The following PKD1L1 variants were observed in gnomAD, a reference collection of about 807,000 sequenced individuals.
The protein encoded by PKD1L1 is polycystin-1-like protein 1.
PKD1L1 carries 236 observed loss-of-function variants against 323.4 expected under a neutral mutation model. That is an observed-to-expected ratio of 0.73 (90% CI 0.66 to 0.81). The LOEUF (loss-of-function observed/expected upper bound fraction) is 0.81, where lower values mean the gene tolerates loss of function less well. PKD1L1 is among the 40% of genes least tolerant of loss of function. PKD1L1 has a pLI of 0.00. For missense variants in PKD1L1, 3,320 were observed against 3,508.0 expected, an observed-to-expected ratio of 0.95 and a Z score of 1.35; for synonymous variants, 1,344 against 1,335.0, an observed-to-expected ratio of 1.01 and a Z score of -0.15.
At chr7:47,788,577 A>ATATATTTTTTT (rs939251075) in intron 56 of PKD1L1, among the ~76,000 whole-genome samples, 1 of 138,062 alleles carries the variant, frequency 7.2e-6, no homozygotes, top group African/African-American at 2.7e-5. Context: ...ATATATATAT[A>ATATATTTTTTT]TTTTTTTTTT....
At position 47,837,008 on chromosome 7, in the gene PKD1L1, C is replaced by T; in HGVS notation, c.5856G>A (p.Leu1952=). ...AGGACACGGTGAGGCGCGGCGTGTG[C>T]AGGTAGCGGCTGGAGGAGGGCCTGC... ...VYSRPSSSRY[L]HTPRLTVSFS... is the part of the protein sequence containing the mutation. Residue 1952 remains leucine (L), a synonymous_variant, in exon 37 of 57, where the codon CTG becomes CTA. Transcript: ENST00000289672. 2 of 1,614,176 alleles carry T rather than the reference C, an allele frequency of 1.2e-6. No homozygotes were observed. The highest frequency in any genetic ancestry group is 1.7e-5 in the Admixed American group (1 of 60,026).
At chr7:47,913,423 C>A (rs964523778) in intron 8 of PKD1L1, among the ~76,000 whole-genome samples, 11 of 152,058 alleles carry the variant, frequency 7.2e-5, no homozygotes, top group Admixed American at 6.6e-4. Context: ...AATTGCATTC[C>A]CCAGTATTGA....
At chr7:47,814,125 G>A in intron 47 of PKD1L1, 111 bp from the exon 48 acceptor site, 1 of 770,496 alleles carries the variant, frequency 1.3e-6, no homozygotes. Context: ...TGCTACCATA[G>A]AGGTCAGAGT....
intron 45 of PKD1L1, among the ~76,000 whole-genome samples, chr7:47,822,726 A>G (rs1785172515): frequency 6.6e-6 from 1 of 152,038 alleles, no homozygotes; most frequent in Non-Finnish European, 1.5e-5. Flanking sequence ...CCATTTATTC[A>G]GATCTTCCTG....
intron 28 of PKD1L1, among the ~76,000 whole-genome samples, chr7:47,856,953 C>G (rs1345346738): frequency 6.6e-6 from 1 of 152,208 alleles, no homozygotes; most frequent in Admixed American, 6.5e-5. Flanking sequence ...TCCAAACTCA[C>G]TCATGGTGAC....
rs191746423 is a variant in PKD1L1, at chr7:47,822,550, G to A, written c.6855-1364C>T. ...GCGGAGGTTGCAGTGAGCCGAGATC[G>A]CGCCATTGCGCTCCAGCCTGGGTGA... On this transcript the variant is annotated intron_variant, in intron 45 of 56. Coordinates refer to ENST00000289672, the MANE Select transcript of PKD1L1 (RefSeq NM_138295.5). 3.3e-4 allele frequency among the ~76,000 whole-genome samples: 45 copies of A among 135,972 alleles called. 1 individual carries two copies. The highest frequency in any genetic ancestry group is 8.2e-4 in the African/African-American group (30 of 36,498). 89.2% of individuals were successfully genotyped at this position (135,972 alleles called of 152,430 possible). A position where few individuals can be genotyped will look rare whatever the true frequency, so the allele number is the denominator to read the frequency against.
chr7:47,845,200 G>C (rs1785640782), intron 32 of PKD1L1, 122 bp from the exon 33 acceptor site: 3 of 735,664 alleles, frequency 4.1e-6, no homozygotes, highest in Non-Finnish European at 6.4e-6. Context: ...ATAACTTTAT[G>C]ACTAAGACCC....
chr7:47,786,806 A>G (rs1190060898), intron 56 of PKD1L1, among the ~76,000 whole-genome samples: 1 of 152,170 alleles, frequency 6.6e-6, no homozygotes, highest in South Asian at 2.1e-4. Context: ...CCTTCTGCCC[A>G]ATCAGCAGCA....
intron 4 of PKD1L1, among the ~76,000 whole-genome samples, chr7:47,934,527 C>G (rs1012552807): frequency 6.6e-6 from 1 of 152,186 alleles, no homozygotes; most frequent in African/African-American, 2.4e-5. Context: ...TAGTCACTTG[C>G]TTCCTATTTT....
At chr7:47,833,017 G>A (rs1045470058) in intron 41 of PKD1L1, 73 bp downstream of exon 41, 1 of 1,508,024 alleles carries the variant, frequency 6.6e-7, no homozygotes, top group Non-Finnish European at 8.9e-7. Flanking sequence ...GACTCTGCTT[G>A]CCCTGCCTCT....
intron 7 of PKD1L1, among the ~76,000 whole-genome samples, chr7:47,927,194 A>G (rs1164183554): frequency 6.6e-6 from 1 of 152,168 alleles, no homozygotes; most frequent in Non-Finnish European, 1.5e-5. Context: ...AATAAAAGTT[A>G]AAAATTCCTA....
At chr7:47,908,438 T>C (rs1339650179) in intron 8 of PKD1L1, among the ~76,000 whole-genome samples, 188 bp from the exon 9 acceptor site, 1 of 152,182 alleles carries the variant, frequency 6.6e-6, no homozygotes, top group Non-Finnish European at 1.5e-5. Context: ...ACAGAGCCCC[T>C]CACGCAATGG....
intron 31 of PKD1L1, 106 bp from the exon 32 acceptor site, chr7:47,847,177 C>T: frequency 1.3e-6 from 1 of 783,466 alleles, no homozygotes; most frequent in African/African-American, 1.8e-5. Flanking sequence ...ACAAGGACTA[C>T]AGATGAGCAA....
Position 47,831,313 on chromosome 7 carries a change from G to A in PKD1L1, c.6377C>T (p.Ser2126Leu). The change falls in exon 42 of 57, where the codon TCA (serine) becomes TTA (leucine). Residue 2126 changes from serine (S) to leucine (L), a missense_variant. By Grantham distance (145) the Ser-to-Leu change is moderately radical. Transcript: ENST00000289672. ...GCTCCACCAAGGCTGAAGGGCCCTT[G>A]ACCACTGGGGCATTAGTCCCTCCAA... ...SGLEGLMPQW[S>L]RALQPWWSSA... 6.2e-7 allele frequency: 1 copy of A among 1,614,140 alleles called. No homozygotes were observed. The highest frequency in any genetic ancestry group is 8.5e-7 in the Non-Finnish European group (1 of 1,180,010).
At chr7:47,877,756 C>T (rs555107144) in intron 21 of PKD1L1, 125 bp from the exon 22 acceptor site, 25 of 1,121,276 alleles carry the variant, frequency 2.2e-5, no homozygotes, top group African/African-American at 1.7e-4. Flanking sequence ...CCAGCAGCAT[C>T]GGACTAACCT....
intron 45 of PKD1L1, among the ~76,000 whole-genome samples, chr7:47,825,642 CTCTTCT>C (rs1158407513): frequency 2.0e-5 from 3 of 149,644 alleles, no homozygotes; most frequent in Non-Finnish European, 4.5e-5. Context: ...TTATTTCTTT[CTCTTCT>C]TCAAGTTTTA....
At position 47,915,607 on chromosome 7, in the gene PKD1L1, A is replaced by G. The variant is rs755550040; in HGVS notation, c.1061-8T>C. 6.1e-6 allele frequency: 9 copies of G among 1,471,852 alleles called. No homozygotes were observed. In the South Asian group the frequency reaches 9.9e-5, roughly 16 times the overall value. 91.2% of individuals were successfully genotyped at this position (1,471,852 alleles called of 1,614,324 possible). Reference sequence around the variant, plus strand: ...AAAGATGAAAAAAAATACCTATAAAAGCAAAAAGAAGAAAATAAAGATAAA... The same window carrying G: ...AAAGATGAAAAAAAATACCTATAAAGGCAAAAAGAAGAAAATAAAGATAAA... On this transcript the variant is annotated splice_region_variant and splice_polypyrimidine_tract_variant and intron_variant, in intron 7 of 56. Transcript: ENST00000289672.
At position 47,885,734 on chromosome 7, in the gene PKD1L1, G is replaced by A. The variant is rs748195368; in HGVS notation, c.3157C>T (p.Arg1053Cys). 2.9e-5 allele frequency: 47 copies of A among 1,614,004 alleles called. No homozygotes were observed. The highest frequency in any genetic ancestry group is 2.3e-4 in the South Asian group (21 of 91,082). ...PQSKGSLMTG[R>C]SERSQPTHSP... ...TGGGTGGGCTGACTTCTCTCAGAGC[G>A]GCCAGTCATCAGGGATCCCTTGCTC... Residue 1053 changes from arginine (R) to cysteine (C), a missense_variant, in exon 18 of 57, where the codon CGC (arginine) becomes TGC (cysteine). Arg to Cys is a radical substitution (Grantham distance 180). Coordinates refer to ENST00000289672, the MANE Select transcript of PKD1L1 (RefSeq NM_138295.5).
intron 8 of PKD1L1, among the ~76,000 whole-genome samples, chr7:47,913,634 G>T (rs189381389): frequency 5.9e-5 from 9 of 152,270 alleles, no homozygotes; most frequent in Admixed American, 3.9e-4. Flanking sequence ...TATGTAACGT[G>T]TGTGTTCCCT....
Sources: gnomAD v4.1 joint callset for allele counts (sites outside exome capture counted in the v4.1 genomes callset) on GRCh38, gnomAD v4.1.1 for gene constraint, MANE v1.5 for transcripts, NCBI Gene and HGNC (gene_info 2026-07-23, HGNC 2026-07-21) for gene names.